The following KCNMB2 variants were observed in gnomAD, a reference collection of about 807,000 sequenced individuals.
KCNMB2 encodes calcium-activated potassium channel subunit beta-2.
KCNMB2 carries 9 observed loss-of-function variants against 24.5 expected under a neutral mutation model. The ratio of observed to expected loss-of-function variants is 0.37; its 90% CI spans 0.22 to 0.64. The LOEUF is 0.64. Ranked by LOEUF, KCNMB2 falls within the 30% of genes least tolerant of loss-of-function variation. KCNMB2 has a pLI of 0.63. For missense variants in KCNMB2, 226 were observed against 284.3 expected, an observed-to-expected ratio of 0.79 and a Z score of 1.47; for synonymous variants, 109 against 104.4, an observed-to-expected ratio of 1.04 and a Z score of -0.27.
intron 2 of KCNMB2, among the ~76,000 whole-genome samples, chr3:178,810,826 C>G (rs1714157348): frequency 6.6e-6 from 1 of 152,104 alleles, no homozygotes; most frequent in Admixed American, 6.5e-5. Flanking sequence ...CCTCCGCCTC[C>G]CGGGTTCACA....
intron 2 of KCNMB2, among the ~76,000 whole-genome samples, chr3:178,818,012 C>T (rs1215125496): frequency 6.6e-6 from 1 of 152,174 alleles, no homozygotes; most frequent in Non-Finnish European, 1.5e-5. Context: ...GAAGAGCTCT[C>T]AGCCAAGTAA....
In KCNMB2 at chr3:178,720,200, A is replaced by T. The variant is rs1178532930; in HGVS notation, c.-67-87143A>T. 2.0e-5 allele frequency among the ~76,000 whole-genome samples: 3 copies of T among 151,812 alleles called. No individual in the cohort carries two copies. In the East Asian group the frequency reaches 5.8e-4, roughly 29 times the overall value. ...CTGTGTCCATGTGTTCTCATTGTTC[A>T]ATTCCCATCTATGAGTGAGAACATG... On this transcript the variant is annotated intron_variant, in intron 1 of 4. Transcript: ENST00000452583.
intron 1 of KCNMB2, among the ~76,000 whole-genome samples, chr3:178,565,093 A>G (rs1406352431): frequency 6.6e-6 from 1 of 152,208 alleles, no homozygotes; most frequent in East Asian, 1.9e-4. Context: ...TTTTATTAAT[A>G]AAGTATATAT....
intron 1 of KCNMB2, among the ~76,000 whole-genome samples, chr3:178,677,950 G>C (rs926797005): frequency 3.3e-5 from 5 of 152,120 alleles, no homozygotes; most frequent in African/African-American, 1.2e-4. Flanking sequence ...TAGAGACTTC[G>C]CATTTAAATG....
intron 1 of KCNMB2, among the ~76,000 whole-genome samples, chr3:178,745,999 T>C (rs796435108): frequency 1.3e-5 from 2 of 152,306 alleles, no homozygotes; most frequent in African/African-American, 4.8e-5. Flanking sequence ...AAGCTATCAG[T>C]GAGTCTACCA....
intron 1 of KCNMB2, among the ~76,000 whole-genome samples, chr3:178,628,957 T>C (rs1719216158): frequency 6.6e-6 from 1 of 152,184 alleles, no homozygotes; most frequent in Non-Finnish European, 1.5e-5. Context: ...CTTAAATATC[T>C]TCTCCTGATA....
chr3:178,614,277 A>G (rs1349900740), intron 1 of KCNMB2, among the ~76,000 whole-genome samples: 7,936 of 101,200 alleles, frequency 0.078, 766 homozygotes, highest in Middle Eastern at 0.19. Context: ...ATATATATAT[A>G]TATATATATA....
intron 1 of KCNMB2, among the ~76,000 whole-genome samples, chr3:178,717,807 G>A (rs73047901): frequency 0.025 from 3,792 of 151,950 alleles, 165 homozygotes; most frequent in African/African-American, 0.086. Flanking sequence ...ATAACCTGGG[G>A]AGTAGGTAGA....
chr3:178,736,521 A>T (rs1221374002), intron 1 of KCNMB2, among the ~76,000 whole-genome samples: 1 of 151,952 alleles, frequency 6.6e-6, no homozygotes, highest in Non-Finnish European at 1.5e-5. Context: ...AGCTATACAA[A>T]CTCCTGACAC....
chr3:178,693,718 ATC>A (rs1721765602), intron 1 of KCNMB2, among the ~76,000 whole-genome samples: 1 of 151,780 alleles, frequency 6.6e-6, no homozygotes, highest in Non-Finnish European at 1.5e-5. Context: ...TTTTTTCTGT[ATC>A]TCTGGGAGGA....
At chr3:178,814,414 G>A (rs1714324002) in intron 2 of KCNMB2, among the ~76,000 whole-genome samples, 1 of 152,132 alleles carries the variant, frequency 6.6e-6, no homozygotes, top group South Asian at 2.1e-4. Flanking sequence ...TATGAATAGT[G>A]CTTTGATAAA....
At chr3:178,723,371 T>C (rs994710065) in intron 1 of KCNMB2, among the ~76,000 whole-genome samples, 2 of 152,236 alleles carry the variant, frequency 1.3e-5, no homozygotes, top group African/African-American at 4.8e-5. Flanking sequence ...TCTCTCCATC[T>C]ATTCATGTCT....
intron 1 of KCNMB2, among the ~76,000 whole-genome samples, chr3:178,624,991 G>T (rs1264579980): frequency 6.6e-6 from 1 of 152,182 alleles, no homozygotes; most frequent in Non-Finnish European, 1.5e-5. Context: ...GCAGCAGGCT[G>T]CCCAGGGGAA....
At position 178,795,773 on chromosome 3, in the gene KCNMB2, T is replaced by C. The variant is rs530851856; in HGVS notation, c.-67-11570T>C. Among the ~76,000 whole-genome samples, 196 of 152,260 alleles carry C rather than the reference T, an allele frequency of 1.3e-3. 1 individual carries two copies. Among genetic ancestry groups the C allele is most frequent in the Admixed American group, 9.2e-4 (14 of 15,290 alleles). On this transcript the variant is annotated intron_variant, in intron 1 of 4. Coordinates refer to ENST00000452583, the MANE Select transcript of KCNMB2 (RefSeq NM_181361.3). ...GTTGTAAGTTGCAATAGAAAACTCA[T>C]ACACATAAAAACTCTGTGTGGATTA...
Position 178,589,808 on chromosome 3 carries a change from C to T in KCNMB2, c.-68+53097C>T, listed in dbSNP as rs552846419. 3.9e-5 allele frequency among the ~76,000 whole-genome samples: 6 copies of T among 152,270 alleles called. No homozygotes were observed. The South Asian group carries it at 8.3e-4, about 21-fold the overall frequency. Reference sequence around the variant, plus strand: ...TGGAAGGGTAGTGACCTGTCCTAGACAAAGTTTTAAAACTTTGGACGCAGA... The same window carrying T: ...TGGAAGGGTAGTGACCTGTCCTAGATAAAGTTTTAAAACTTTGGACGCAGA... On this transcript the variant is annotated intron_variant, in intron 1 of 4. Transcript: ENST00000452583.
intron 1 of KCNMB2, among the ~76,000 whole-genome samples, chr3:178,555,302 A>G (rs1716085980): frequency 6.6e-6 from 1 of 152,234 alleles, no homozygotes; most frequent in African/African-American, 2.4e-5. Context: ...CTCCTGTTGT[A>G]TGACACAACA....
chr3:178,802,263 A>G (rs2108448361), intron 1 of KCNMB2, among the ~76,000 whole-genome samples: 1 of 152,320 alleles, frequency 6.6e-6, no homozygotes, highest in Non-Finnish European at 1.5e-5. Context: ...TGATGTCATT[A>G]GTGTTACAGT....
chr3:178,638,098 CTG>C (rs1166002622), intron 1 of KCNMB2, among the ~76,000 whole-genome samples: 2 of 152,190 alleles, frequency 1.3e-5, no homozygotes, highest in East Asian at 3.9e-4. Context: ...TCAGACCTCT[CTG>C]TGGATTTCCA....
At chr3:178,723,748 TTC>T (rs771563389) in intron 1 of KCNMB2, among the ~76,000 whole-genome samples, 1 of 152,154 alleles carries the variant, frequency 6.6e-6, no homozygotes, top group Non-Finnish European at 1.5e-5. Context: ...GTACTTTATT[TTC>T]TGTTTCTGTG....
Sources: allele counts gnomAD v4.1 joint callset (sites outside exome capture counted in the v4.1 genomes callset), GRCh38; gene constraint gnomAD v4.1.1; transcripts MANE v1.5; gene names NCBI Gene and HGNC (gene_info 2026-07-23, HGNC 2026-07-21).